Variants in MGAT3 observed in about 807,000 individuals in gnomAD.
MGAT3 encodes beta-1,4-mannosyl-glycoprotein 4-beta-N-acetylglucosaminyltransferase, also known as GlcNAc-T III.
A neutral mutation model predicts 29.8 loss-of-function variants in MGAT3; 9 were observed. That is an observed-to-expected ratio of 0.30 (90% CI 0.18 to 0.53). The LOEUF (loss-of-function observed/expected upper bound fraction) is 0.53. MGAT3 is among the 20% of genes least tolerant of loss of function. The pLI, the probability that MGAT3 is intolerant of heterozygous loss-of-function variation, is 0.96. For missense variants in MGAT3, 557 were observed against 769.5 expected, an observed-to-expected ratio of 0.72 and a Z score of 3.27; for synonymous variants, 397 against 348.9, an observed-to-expected ratio of 1.14 and a Z score of -1.54.
intron 1 of MGAT3, among the ~76,000 whole-genome samples, chr22:39,480,620 A>G (rs1264354625): frequency 6.6e-6 from 1 of 152,104 alleles, no homozygotes; most frequent in Non-Finnish European, 1.5e-5. Flanking sequence ...ATCTAGAGAC[A>G]AAGGTTAGCC....
rs1409934643 is a variant in MGAT3 at position 39,487,932 on chromosome 22, C to G, written c.585C>G (p.Thr195=). ...PTVVQYSNLP[T]KERLVPREVP... Reference sequence around the variant, plus strand: ...TGGTGCAGTACTCCAACCTGCCCACCAAGGAGCGGCTGGTGCCCAGGGAGG... The same window carrying G: ...TGGTGCAGTACTCCAACCTGCCCACGAAGGAGCGGCTGGTGCCCAGGGAGG... The change falls in exon 2 of 2, where the codon ACC becomes ACG. Residue 195 remains threonine (T), a synonymous_variant. Transcript: ENST00000341184. This position sits in a 1 kb window ranked among gnomAD's most constrained non-coding sequence, Gnocchi z 5.7. 6.2e-7 allele frequency: 1 copy of G among 1,608,972 alleles called. No homozygotes were observed. The highest frequency in any genetic ancestry group is 1.3e-5 in the African/African-American group (1 of 74,898).
chr22:39,478,937 A>G (rs1929046016), intron 1 of MGAT3, among the ~76,000 whole-genome samples: 1 of 152,240 alleles, frequency 6.6e-6, no homozygotes, highest in Non-Finnish European at 1.5e-5. Flanking sequence ...CCTCCAGGCC[A>G]TGGCCACTGC....
At chr22:39,478,005 C>A (rs967904173) in intron 1 of MGAT3, among the ~76,000 whole-genome samples, 5 of 152,242 alleles carry the variant, frequency 3.3e-5, no homozygotes, top group African/African-American at 1.2e-4. Context: ...CACTGGCCTA[C>A]CTTGTGCCCC....
chr22:39,479,290 G>A (rs1368062642), intron 1 of MGAT3, among the ~76,000 whole-genome samples: 1 of 152,184 alleles, frequency 6.6e-6, no homozygotes, highest in African/African-American at 2.4e-5. Flanking sequence ...AGTGAACCTT[G>A]ACCACCCCAC....
intron 1 of MGAT3, among the ~76,000 whole-genome samples, chr22:39,459,013 T>C (rs1177775469): frequency 1.3e-5 from 2 of 152,128 alleles, no homozygotes. Flanking sequence ...CTGGTGCCCT[T>C]GGTGTGGTCA....
In MGAT3 at chr22:39,467,665, C is replaced by T. The variant is rs573063961; in HGVS notation, c.-2+10108C>T. ...TTTTTCTTTTCTTTTCTTTTCGTTT[C>T]GTTTCGTTTTGTTTCATTTCGTTTC... On this transcript the variant is annotated intron_variant, in intron 1 of 1. Transcript: ENST00000341184. 3.3e-5 allele frequency among the ~76,000 whole-genome samples: 5 copies of T among 151,534 alleles called. No homozygotes were observed. In the East Asian group the frequency reaches 9.6e-4, roughly 29 times the overall value.
At chr22:39,483,131 T>G (rs1460759647) in intron 1 of MGAT3, among the ~76,000 whole-genome samples, 1 of 152,240 alleles carries the variant, frequency 6.6e-6, no homozygotes, top group Non-Finnish European at 1.5e-5. Flanking sequence ...AGGCCATGCC[T>G]GCCACATAGC....
At chr22:39,480,938 G>A (rs918995959) in intron 1 of MGAT3, among the ~76,000 whole-genome samples, 5 of 152,132 alleles carry the variant, frequency 3.3e-5, no homozygotes, top group African/African-American at 1.2e-4. Context: ...ACTCACCTGG[G>A]CAGTTCAGTG....
chr22:39,490,886 C>T lies in MGAT3; in HGVS notation c.*1937C>T, dbSNP rs183305381. On this transcript the variant is annotated 3_prime_UTR_variant, in exon 2 of 2. Coordinates refer to ENST00000341184, the MANE Select transcript of MGAT3 (RefSeq NM_002409.5). Reference sequence around the variant, plus strand: ...CTGCAGCTCCCCAAAATGACTGAGGCAGAAAGCCCTTGGGGAGCCTAGAAA... The same window carrying T: ...CTGCAGCTCCCCAAAATGACTGAGGTAGAAAGCCCTTGGGGAGCCTAGAAA... 8 of 167,014 alleles carry T rather than the reference C, an allele frequency of 4.8e-5. No individual in the cohort carries two copies. In the South Asian group the frequency reaches 8.3e-4, roughly 17 times the overall value. The allele number at this position is 167,014 out of a possible 1,614,324, so 10.3% of individuals were successfully genotyped here.
At chr22:39,484,365 T>TTTTG (rs903783407) in intron 1 of MGAT3, among the ~76,000 whole-genome samples, 11 of 152,188 alleles carry the variant, frequency 7.2e-5, no homozygotes, top group East Asian at 1.9e-4. Context: ...CCTTGTTTTT[T>TTTTG]TTTGTTTGTT....
At chr22:39,474,063 T>C (rs1209220155) in intron 1 of MGAT3, among the ~76,000 whole-genome samples, 2 of 152,028 alleles carry the variant, frequency 1.3e-5, no homozygotes, top group Non-Finnish European at 2.9e-5. Context: ...CTGTCCAGGG[T>C]GACCCGTTCC....
In MGAT3 at chr22:39,488,221, C is replaced by T. The variant is rs1279615937; in HGVS notation, c.874C>T (p.Leu292=). The stretch of plus-strand genomic sequence containing the variant: ...GGACGGCTGGATCGCCGACGACTAC[C>T]TGCGCACCTTCCTCACCCAGGACGG... The part of the protein sequence containing the change: ...RQDGWIADDY[L]RTFLTQDGVS... The change falls in exon 2 of 2, where the codon CTG becomes TTG. Residue 292 remains leucine (L), a synonymous_variant. Transcript: ENST00000341184. 1.9e-6 allele frequency: 3 copies of T among 1,612,690 alleles called. No homozygotes were observed. The highest frequency in any genetic ancestry group is 1.7e-6 in the Non-Finnish European group (2 of 1,179,952).
rs561485461 is a variant in MGAT3, at chr22:39,471,042, C to T, written c.-2+13485C>T. ...GCACTCAGCCCAGCCCCCTCCTGCC[C>T]GGCTTTTCCTGGGCCTCCTTTGTTA... is the stretch of plus-strand genomic sequence containing the variant. On this transcript the variant is annotated intron_variant, in intron 1 of 1. Transcript: ENST00000341184. 9.9e-5 allele frequency among the ~76,000 whole-genome samples: 15 copies of T among 152,232 alleles called. 1 individual carries two copies. Among genetic ancestry groups the T allele is most frequent in the African/African-American group, 1.7e-4 (7 of 41,540 alleles).
At chr22:39,484,987 A>G (rs990779936) in intron 1 of MGAT3, among the ~76,000 whole-genome samples, 1 of 152,136 alleles carries the variant, frequency 6.6e-6, no homozygotes, top group Non-Finnish European at 1.5e-5. Context: ...TGGGTGACAG[A>G]GTGAGACCCT....
chr22:39,465,162 T>C (rs1446228341), intron 1 of MGAT3, among the ~76,000 whole-genome samples: 1 of 152,200 alleles, frequency 6.6e-6, no homozygotes, highest in Admixed American at 6.5e-5. Context: ...CTGACCTGGT[T>C]CCTGCTGAGA....
Position 39,489,091 on chromosome 22 carries a change from C to G in MGAT3, c.*142C>G. On this transcript the variant is annotated 3_prime_UTR_variant, in exon 2 of 2. Coordinates refer to ENST00000341184, the MANE Select transcript of MGAT3 (RefSeq NM_002409.5). ...TGGGGGTGGGGGTAGGGTTTCCCTACTGAAGCCCTTGTGAATCAAGGGTCA... is the reference window on the plus strand; with the variant it reads ...TGGGGGTGGGGGTAGGGTTTCCCTAGTGAAGCCCTTGTGAATCAAGGGTCA... 1 of 1,109,144 alleles carries G rather than the reference C, an allele frequency of 9.0e-7. No homozygotes were observed. Among genetic ancestry groups the G allele is most frequent in the East Asian group, 2.6e-5 (1 of 38,586 alleles). 68.7% of individuals were successfully genotyped at this position (1,109,144 alleles called of 1,614,324 possible).
rs544524714 is a variant in MGAT3 at position 39,480,055 on chromosome 22, G to A, written c.-1-7292G>A. Reference sequence around the variant, plus strand: ...GAGGCTGAGAGAGGTCAGGTGACCTGCTCTGTTCATAGTGACTATAGGAAC... The same window carrying A: ...GAGGCTGAGAGAGGTCAGGTGACCTACTCTGTTCATAGTGACTATAGGAAC... On this transcript the variant is annotated intron_variant, in intron 1 of 1. Transcript: ENST00000341184. 1.7e-3 allele frequency among the ~76,000 whole-genome samples: 257 copies of A among 152,310 alleles called. 4 individuals carry two copies. The Middle Eastern group carries it at 0.024, about 14-fold the overall frequency.
At chr22:39,465,459 C>T (rs772390906) in intron 1 of MGAT3, among the ~76,000 whole-genome samples, 1 of 152,192 alleles carries the variant, frequency 6.6e-6, no homozygotes, top group Non-Finnish European at 1.5e-5. Flanking sequence ...TCACTGTGGG[C>T]ATTCAGTGAA....
At chr22:39,477,838 C>G (rs1251898383) in intron 1 of MGAT3, 1 of 152,212 alleles carries the variant, frequency 6.6e-6, no homozygotes, top group Non-Finnish European at 1.5e-5. Flanking sequence ...AGGCATGGTC[C>G]CTAGCTTTTT....
Sources: gnomAD v4.1 joint callset for allele counts (sites outside exome capture counted in the v4.1 genomes callset) on GRCh38, gnomAD v4.1.1 for gene constraint, Gnocchi (gnomAD v3.1) non-coding constraint, MANE v1.5 for transcripts, NCBI Gene and HGNC (gene_info 2026-07-23, HGNC 2026-07-21) for gene names.